The following LRBA variants were observed in gnomAD, a reference collection of about 807,000 sequenced individuals.
LRBA encodes lipopolysaccharide-responsive and beige-like anchor protein.
In LRBA, 176 loss-of-function variants were observed where a neutral mutation model predicts 330.0. That is an observed-to-expected ratio of 0.53 (90% CI 0.47 to 0.60). LRBA has a LOEUF of 0.60. Ranked by LOEUF, LRBA falls within the 20% of genes least tolerant of loss-of-function variation. The probability of loss-of-function intolerance (pLI) is 0.00; values close to 1 mark genes in which losing one functional copy is unlikely to be tolerated. For synonymous variants in LRBA, 1,230 were observed against 1,193.0 expected (o/e 1.03, Z -0.64); for missense variants, 3,259 against 3,444.8 (o/e 0.95, Z 1.35).
intron 55 of LRBA, among the ~76,000 whole-genome samples, chr4:150,280,812 G>C (rs1747400415): frequency 6.6e-6 from 1 of 152,230 alleles, no homozygotes; most frequent in Non-Finnish European, 1.5e-5. Flanking sequence ...TCCCGAGGTA[G>C]TGAGCTGTGA....
chr4:150,525,553 A>G (rs1763372803), intron 40 of LRBA, among the ~76,000 whole-genome samples: 2 of 152,196 alleles, frequency 1.3e-5, no homozygotes, highest in South Asian at 4.1e-4. Flanking sequence ...AAGGAACTAC[A>G]GGTTCACTTT....
intron 47 of LRBA, among the ~76,000 whole-genome samples, chr4:150,378,433 T>G (rs2151882717): frequency 6.6e-6 from 1 of 152,366 alleles, no homozygotes; most frequent in Non-Finnish European, 1.5e-5. Flanking sequence ...AATACTTTTA[T>G]TAATGGCTTT....
chr4:150,310,472 A>G, intron 51 of LRBA, 88 bp from the exon 52 acceptor site: 1 of 804,652 alleles, frequency 1.2e-6, no homozygotes, highest in Non-Finnish European at 2.0e-6. Flanking sequence ...ACATTCCCAG[A>G]TAAGAGTACT....
intron 47 of LRBA, among the ~76,000 whole-genome samples, chr4:150,380,716 C>G (rs1742088732): frequency 6.6e-6 from 1 of 151,984 alleles, no homozygotes; most frequent in African/African-American, 2.4e-5. Context: ...TGGCTCACAC[C>G]TGTAATCCCA....
chr4:150,367,445 C>T (rs1739614209), intron 47 of LRBA, among the ~76,000 whole-genome samples: 1 of 152,178 alleles, frequency 6.6e-6, no homozygotes, highest in African/African-American at 2.4e-5. Context: ...GCATTACTGC[C>T]TGCTGTTTTA....
chr4:150,886,864 C>T (rs1438484183), intron 17 of LRBA, among the ~76,000 whole-genome samples: 1 of 152,132 alleles, frequency 6.6e-6, no homozygotes, highest in African/African-American at 2.4e-5. Context: ...CATAGGAAAA[C>T]ACAAACAACA....
Position 150,265,795 on chromosome 4 carries a change from A to G in LRBA, c.8486T>C (p.Met2829Thr). The G allele has an allele frequency of 6.2e-7, 1 of 1,612,178 alleles. No individual in the cohort carries two copies. Among genetic ancestry groups the G allele is most frequent in the Non-Finnish European group, 8.5e-7 (1 of 1,178,254 alleles). Residue 2829 changes from methionine (M) to threonine (T), a missense_variant, in exon 57 of 57, where the codon ATG becomes ACG. Physicochemically the swap from Met to Thr is moderately conservative, Grantham distance 81 (BLOSUM62 -1). Transcript: ENST00000651943. The part of the protein sequence containing the change: ...SYDQRCIISG[M>T]ASGSIVLFYN... ...AAATAGCACAATGCTTCCTGAAGCC[A>G]TGCCAGAAATGATGCACCTAGGAGA...
intron 36 of LRBA, among the ~76,000 whole-genome samples, chr4:150,706,780 C>T (rs1455345848): frequency 6.6e-6 from 1 of 151,478 alleles, no homozygotes; most frequent in Non-Finnish European, 1.5e-5. Context: ...GGAACAGCTG[C>T]AAAGGACATG....
rs1325267556 is a variant in LRBA at position 150,740,694 on chromosome 4, T to C, written c.5646-5328A>G. On this transcript the variant is annotated intron_variant, in intron 35 of 56. Transcript: ENST00000651943. The stretch of plus-strand genomic sequence containing the variant: ...TAAAGAAAAAAGTATACCATGTTCA[T>C]GAAAGGGAAAGGCTTGTATTAAAGA... 2.0e-5 allele frequency among the ~76,000 whole-genome samples: 3 copies of C among 149,982 alleles called. No homozygotes were observed. In the East Asian group the frequency reaches 5.8e-4, roughly 29 times the overall value.
chr4:150,935,010 G>GGA (rs1554003303), intron 2 of LRBA, among the ~76,000 whole-genome samples: 4 of 131,368 alleles, frequency 3.0e-5, no homozygotes, highest in Non-Finnish European at 4.7e-5. Context: ...CTCCATCTCA[G>GGA]AAAAAAAAAA....
At chr4:150,354,687 A>G (rs1359499066) in intron 47 of LRBA, among the ~76,000 whole-genome samples, 1 of 152,068 alleles carries the variant, frequency 6.6e-6, no homozygotes, top group Non-Finnish European at 1.5e-5. Context: ...AGGGGGACTC[A>G]TATTAGTGTT....
At chr4:150,551,996 G>A (rs1353738222) in intron 40 of LRBA, among the ~76,000 whole-genome samples, 2 of 152,040 alleles carry the variant, frequency 1.3e-5, no homozygotes, top group East Asian at 1.9e-4. Flanking sequence ...AAACTCTTCC[G>A]ACTCAGATCG....
rs114536103 is a variant in LRBA, at chr4:150,418,785, C to T, written c.7042-3195G>A. Among the ~76,000 whole-genome samples, 1,119 of 152,244 alleles carry T rather than the reference C, an allele frequency of 7.4e-3. 10 individuals are homozygous for T. The highest frequency in any genetic ancestry group is 0.026 in the African/African-American group (1,072 of 41,540). ...ACATTTGCAGGGTCCAGAGCAGAGG[C>T]CTCTTGAAGGCATCTTTCTTTTCTG... On this transcript the variant is annotated intron_variant, in intron 46 of 56. Transcript: ENST00000651943.
At chr4:150,301,233 G>A (rs1416665722) in intron 53 of LRBA, among the ~76,000 whole-genome samples, 1 of 151,932 alleles carries the variant, frequency 6.6e-6, no homozygotes, top group Non-Finnish European at 1.5e-5. Context: ...CTTTTCAAAA[G>A]AATATGAAAA....
chr4:150,794,884 C>A lies in LRBA; in HGVS notation c.5580+3197G>T, dbSNP rs78320469. Among the ~76,000 whole-genome samples the A allele has an allele frequency of 7.1e-3, 1,076 of 152,188 alleles. 7 individuals are homozygous for A. The highest frequency in any genetic ancestry group is 0.011 in the Non-Finnish European group (761 of 67,932). On this transcript the variant is annotated intron_variant, in intron 34 of 56. Transcript: ENST00000651943. ...AGACAATAATATGTGATTTACAGGA[C>A]AAGAATGCAGCTACCACAAGATTTA...
At chr4:150,449,342 A>T (rs1753059460) in intron 44 of LRBA, among the ~76,000 whole-genome samples, 1 of 151,948 alleles carries the variant, frequency 6.6e-6, no homozygotes, top group Non-Finnish European at 1.5e-5. Flanking sequence ...AAGGATAGGA[A>T]ATTCTTTCCT....
intron 28 of LRBA, among the ~76,000 whole-genome samples, chr4:150,834,019 T>C (rs1365031228): frequency 4.6e-5 from 7 of 152,342 alleles, no homozygotes; most frequent in East Asian, 3.9e-4. Flanking sequence ...TCTTCATTCG[T>C]TGGAGTATTA....
At chr4:150,559,881 A>G (rs1220825613) in intron 40 of LRBA, among the ~76,000 whole-genome samples, 30 of 20,042 alleles carry the variant, frequency 1.5e-3, no homozygotes, top group African/African-American at 3.9e-3. Flanking sequence ...ATAATTATAT[A>G]TAATTATATA....
intron 17 of LRBA, among the ~76,000 whole-genome samples, chr4:150,883,341 T>C (rs1728610183): frequency 6.6e-6 from 1 of 152,070 alleles, no homozygotes. Flanking sequence ...GCGCCTGTAA[T>C]ACCAGCTACT....
Sources: allele counts gnomAD v4.1 joint callset (sites outside exome capture counted in the v4.1 genomes callset), GRCh38; gene constraint gnomAD v4.1.1; transcripts MANE v1.5; gene names NCBI Gene and HGNC (gene_info 2026-07-23, HGNC 2026-07-21).